ZNF536: variants seen among roughly 807,000 people sequenced by gnomAD.
ZNF536 encodes the protein zinc finger protein 536.
In ZNF536, 13 loss-of-function variants were observed where a neutral mutation model predicts 84.5. That is an observed-to-expected ratio of 0.15 (90% CI 0.10 to 0.24). The LOEUF is 0.24. ZNF536 is among the 10% of genes least tolerant of loss of function. The probability of loss-of-function intolerance (pLI) is 1.00; values close to 1 mark genes in which losing one functional copy is unlikely to be tolerated. For synonymous variants in ZNF536, 811 were observed against 742.5 expected, an observed-to-expected ratio of 1.09 and a Z score of -1.50; for missense variants, 1,536 against 1,747.5, an observed-to-expected ratio of 0.88 and a Z score of 2.16.
exon 2 of ZNF536, chr19:30,711,117 G>T (rs1432740378): frequency 6.6e-6 from 1 of 151,282 alleles, no homozygotes; most frequent in Non-Finnish European, 1.5e-5. Flanking sequence ...CCCCAATAGT[G>T]TATAGAACAT....
At chr19:30,712,629 GGGTGTCATCTAACCGA>G (rs2144808702) in exon 2 of ZNF536, 1 of 152,290 alleles carries the variant, frequency 6.6e-6, no homozygotes, top group East Asian at 1.9e-4. Flanking sequence ...GCTGTCAAAA[GGGTGTCATCTAACCGA>G]GGTTTCAGTG....
chr19:30,588,803 G>A (rs944369814), intron 1 of ZNF536, among the ~76,000 whole-genome samples: 5 of 152,066 alleles, frequency 3.3e-5, no homozygotes, highest in Non-Finnish European at 7.4e-5. Context: ...CTGGGCTTCC[G>A]TTTATGGTTC....
chr19:30,278,264 G>A (rs1303593265), intron 1 of ZNF536, among the ~76,000 whole-genome samples: 2 of 152,188 alleles, frequency 1.3e-5, no homozygotes. Context: ...CCAGGGAAAG[G>A]CAAGGCAAGG....
At chr19:30,230,956 G>A (rs1051451404) in intron 1 of ZNF536, among the ~76,000 whole-genome samples, 1 of 148,210 alleles carries the variant, frequency 6.7e-6, no homozygotes, top group African/African-American at 2.6e-5. Flanking sequence ...TGATACTCAT[G>A]AGAATATAGA....
chr19:30,568,225 G>A (rs1224395317), intron 1 of ZNF536, among the ~76,000 whole-genome samples: 1 of 152,150 alleles, frequency 6.6e-6, no homozygotes, highest in Non-Finnish European at 1.5e-5. Context: ...AACCCAATTT[G>A]GTTTTTAGAC....
intron 1 of ZNF536, among the ~76,000 whole-genome samples, chr19:30,266,244 C>T (rs980110475): frequency 3.1e-4 from 47 of 152,174 alleles, no homozygotes; most frequent in African/African-American, 1.1e-3. Flanking sequence ...GAGAGGGGGT[C>T]TCACTTTGTT....
At chr19:30,633,170 C>T (rs1243904487) in intron 1 of ZNF536, among the ~76,000 whole-genome samples, 1 of 152,154 alleles carries the variant, frequency 6.6e-6, no homozygotes, top group African/African-American at 2.4e-5. Flanking sequence ...AGGTTGTTCA[C>T]AGGTATAGAA....
At position 30,231,390 on chromosome 19, in the gene ZNF536, G is replaced by A. The variant is rs1407630352; in HGVS notation, c.-190+2717G>A. On this transcript the variant is annotated intron_variant, in intron 1 of 5. Transcript: ENST00000585628. ...GAATCTAAAAGCAGGGCACAAACTC[G>A]CTTGCATTGCTACTAGTGGGGCCTT... Among the ~76,000 whole-genome samples the A allele has an allele frequency of 2.6e-5, 4 of 152,210 alleles. 1 individual carries two copies. The South Asian group carries it at 6.2e-4, about 24-fold the overall frequency.
At chr19:30,442,815 T>C (rs564458247) in intron 1 of ZNF536, among the ~76,000 whole-genome samples, 4 of 152,328 alleles carry the variant, frequency 2.6e-5, no homozygotes, top group Admixed American at 2.6e-4. Context: ...TAATGCTTCC[T>C]TGCAAACACT....
rs1034593388 is a variant in ZNF536 at position 30,516,562 on chromosome 19, G to A, written c.2171-18285G>A. ...AAGCCCTGGAGGAGATGATAATGGCGCCTTTCACCACGGAAAGGTCAACCC... is the reference window on the plus strand; with the variant it reads ...AAGCCCTGGAGGAGATGATAATGGCACCTTTCACCACGGAAAGGTCAACCC... On this transcript the variant is annotated intron_variant, in intron 2 of 4. Transcript: ENST00000355537. Among the ~76,000 whole-genome samples the A allele has an allele frequency of 7.2e-5, 11 of 152,164 alleles. No homozygotes were observed. The South Asian group carries it at 1.2e-3, about 17-fold the overall frequency.
chr19:30,684,183 C>G (rs980051551), intron 1 of ZNF536, among the ~76,000 whole-genome samples: 1 of 152,038 alleles, frequency 6.6e-6, no homozygotes, highest in Admixed American at 6.6e-5. Flanking sequence ...CACCCAGGCT[C>G]GAGTGCAATG....
chr19:30,466,604 A>AGAGAGAGAGAG (rs1568460022), intron 2 of ZNF536, among the ~76,000 whole-genome samples: 4 of 106,636 alleles, frequency 3.8e-5, no homozygotes, highest in Admixed American at 9.9e-5. Context: ...GAGAGAGAGA[A>AGAGAGAGAGAG]AGAAAAGAGA....
intron 1 of ZNF536, among the ~76,000 whole-genome samples, chr19:30,604,012 C>A (rs965432611): frequency 2.0e-5 from 3 of 152,148 alleles, no homozygotes; most frequent in African/African-American, 7.2e-5. Flanking sequence ...ATCGCTTGAA[C>A]CTGGGAGGCC....
intron 1 of ZNF536, among the ~76,000 whole-genome samples, chr19:30,676,736 C>T (rs1018500717): frequency 6.6e-6 from 1 of 152,158 alleles, no homozygotes; most frequent in Admixed American, 6.5e-5. Flanking sequence ...GTCTTTTCTC[C>T]ACACACATTT....
intron 3 of ZNF536, among the ~76,000 whole-genome samples, chr19:30,363,226 C>T (rs2048329529): frequency 6.6e-6 from 1 of 152,168 alleles, no homozygotes; most frequent in South Asian, 2.1e-4. Flanking sequence ...TCCCCACCTG[C>T]CCAGAGCGCT....
At chr19:30,271,306 T>C (rs1210109509) in intron 1 of ZNF536, among the ~76,000 whole-genome samples, 5 of 148,516 alleles carry the variant, frequency 3.4e-5, no homozygotes, top group Middle Eastern at 3.2e-3. Flanking sequence ...TTTCTTTTTT[T>C]TTTTTTTTTT....
intron 1 of ZNF536, among the ~76,000 whole-genome samples, chr19:30,398,064 G>T (rs931551999): frequency 3.9e-5 from 6 of 152,188 alleles, no homozygotes; most frequent in African/African-American, 1.2e-4. Context: ...AGAGGTCTTT[G>T]GTTTTCCCCA....
At chr19:30,392,778 T>G (rs2049652481) in intron 1 of ZNF536, among the ~76,000 whole-genome samples, 1 of 152,234 alleles carries the variant, frequency 6.6e-6, no homozygotes, top group Non-Finnish European at 1.5e-5. Context: ...AGGAGAGGAC[T>G]GTGGTGCAAA....
intron 2 of ZNF536, among the ~76,000 whole-genome samples, chr19:30,320,995 C>T (rs1251121422): frequency 6.6e-6 from 1 of 152,178 alleles, no homozygotes; most frequent in African/African-American, 2.4e-5. Context: ...TGTCCTCCTG[C>T]GCCTCTATTC....
Sources: gnomAD v4.1 joint callset for allele counts (sites outside exome capture counted in the v4.1 genomes callset) on GRCh38, gnomAD v4.1.1 for gene constraint, MANE v1.5 for transcripts, NCBI Gene and HGNC (gene_info 2026-07-23, HGNC 2026-07-21) for gene names.